Variants in GREB1 observed in about 807,000 individuals in gnomAD.
The protein encoded by GREB1 is protein GREB1.
In GREB1, 106 loss-of-function variants were observed where a neutral mutation model predicts 200.7. The observed-to-expected ratio is 0.53, with a 90% CI of 0.45 to 0.62. The LOEUF is 0.62. Among genes scored for constraint, GREB1 ranks in the 20% least tolerant of loss-of-function variants. GREB1 has a pLI of 0.00. For missense variants in GREB1, 2,243 were observed against 2,556.8 expected (o/e 0.88, Z 2.65); for synonymous variants, 1,132 against 1,092.4 (o/e 1.04, Z -0.72).
Position 11,573,499 on chromosome 2 carries a change from G to A in GREB1, c.455-2854G>A, listed in dbSNP as rs1047614969. Among the ~76,000 whole-genome samples, 7 of 152,188 alleles carry A rather than the reference G, an allele frequency of 4.6e-5. 1 individual carries two copies. Among genetic ancestry groups the A allele is most frequent in the South Asian group, 4.2e-4 (2 of 4,798 alleles). ...CCTAAGGTAGATTTCTGAAGAGAAC[G>A]GCTCATTATTTTCCTCTTTCTCATG... On this transcript the variant is annotated intron_variant, in intron 4 of 32. Coordinates refer to ENST00000381486, the MANE Select transcript of GREB1 (RefSeq NM_014668.4).
intron 1 of GREB1, among the ~76,000 whole-genome samples, chr2:11,500,207 GC>G (rs1672992402): frequency 6.6e-6 from 1 of 152,192 alleles, no homozygotes; most frequent in Admixed American, 6.5e-5. Context: ...TGTTGCCCAG[GC>G]TGGAGTGCAG....
chr2:11,563,440 C>T, intron 3 of GREB1, among the ~76,000 whole-genome samples: 1 of 152,248 alleles, frequency 6.6e-6, no homozygotes, highest in African/African-American at 2.4e-5. Flanking sequence ...TTGTGCTGTG[C>T]ACTCAGGCTT....
intron 1 of GREB1, among the ~76,000 whole-genome samples, chr2:11,496,729 T>A (rs1672900298): frequency 6.6e-6 from 1 of 152,256 alleles, no homozygotes; most frequent in African/African-American, 2.4e-5. Flanking sequence ...AGAGGTCTCA[T>A]GTACCATATA....
In GREB1 at chr2:11,597,029, A is replaced by G. The variant is rs146378897; in HGVS notation, c.1955-752A>G. The stretch of plus-strand genomic sequence containing the variant: ...TAGCTGTGTGCAGTGAGAGGCGCCA[A>G]TGGGCACAGGTGTGCACCGTGAGAG... On this transcript the variant is annotated intron_variant, in intron 13 of 32. Transcript: ENST00000381486. The surrounding 1 kb of genome is among the most constrained non-coding windows in gnomAD (Gnocchi z 4.1). 2.1e-3 allele frequency among the ~76,000 whole-genome samples: 321 copies of G among 150,160 alleles called. No individual in the cohort carries two copies. Among genetic ancestry groups the G allele is most frequent in the African/African-American group, 7.3e-3 (296 of 40,686 alleles).
At chr2:11,506,209 C>T in intron 1 of GREB1, among the ~76,000 whole-genome samples, 1 of 152,314 alleles carries the variant, frequency 6.6e-6, no homozygotes, top group South Asian at 2.1e-4. Flanking sequence ...CACAGCAAAT[C>T]ATCTCATGTG....
At chr2:11,611,415 G>A (rs1682914327) in intron 18 of GREB1, among the ~76,000 whole-genome samples, 1 of 152,220 alleles carries the variant, frequency 6.6e-6, no homozygotes, top group African/African-American at 2.4e-5. Context: ...TGGGCTCCAG[G>A]GATCCTCCCA....
chr2:11,611,933 C>T (rs1446199054), intron 18 of GREB1, among the ~76,000 whole-genome samples: 1 of 152,138 alleles, frequency 6.6e-6, no homozygotes. Context: ...GTGGCTTACA[C>T]CTGTAATCCC....
intron 22 of GREB1, among the ~76,000 whole-genome samples, chr2:11,620,138 G>A (rs1365210831): frequency 2.6e-5 from 4 of 152,052 alleles, no homozygotes; most frequent in Non-Finnish European, 4.4e-5. Context: ...TACCATGCCC[G>A]GCTAATTTTT....
intron 32 of GREB1, among the ~76,000 whole-genome samples, chr2:11,639,297 C>T (rs951749518): frequency 3.9e-5 from 6 of 152,186 alleles, no homozygotes; most frequent in African/African-American, 1.4e-4. Flanking sequence ...CCATGTTGGC[C>T]AGGCTGGTCT....
At chr2:11,585,966 C>G in intron 9 of GREB1, 61 bp downstream of exon 9, 1 of 1,561,952 alleles carries the variant, frequency 6.4e-7, no homozygotes, top group East Asian at 2.2e-5. Context: ...GCATGAGAAA[C>G]AGGCAAAAGC....
Position 11,624,341 on chromosome 2 carries a change from CTTT to C in GREB1, c.4148-795_4148-793del, listed in dbSNP as rs70955810. On this transcript the variant is annotated intron_variant, in intron 23 of 32. Transcript: ENST00000381486. ...TTTTCTATGTTTAGATACACAAATT[CTTT>C]TTTTTTTTTTTTTTTTTGAGATGGA... 2.1e-3 allele frequency among the ~76,000 whole-genome samples: 235 copies of C among 111,088 alleles called. 2 individuals are homozygous for C. Among genetic ancestry groups the C allele is most frequent in the South Asian group, 0.011 (40 of 3,562 alleles). The allele number at this position is 111,088 out of a possible 152,430, so 72.9% of individuals were successfully genotyped here.
At chr2:11,545,612 A>G (rs1426226790) in intron 1 of GREB1, among the ~76,000 whole-genome samples, 1 of 152,210 alleles carries the variant, frequency 6.6e-6, no homozygotes, top group Non-Finnish European at 1.5e-5. Context: ...CTTTCCAATG[A>G]ATCTTTGCTT....
intron 10 of GREB1, among the ~76,000 whole-genome samples, chr2:11,590,510 CA>C (rs1370227353): frequency 1.3e-5 from 2 of 152,146 alleles, no homozygotes; most frequent in Non-Finnish European, 2.9e-5. Flanking sequence ...ATGCTCTTGC[CA>C]AAGACATTTG....
At position 11,632,907 on chromosome 2, in the gene GREB1, T is replaced by A; in HGVS notation, c.4835T>A (p.Ile1612Asn). 2 of 1,613,946 alleles carry A rather than the reference T, an allele frequency of 1.2e-6. No homozygotes were observed. The highest frequency in any genetic ancestry group is 1.7e-6 in the Non-Finnish European group (2 of 1,179,936). Reference protein sequence around the residue: ...SAGVGAAHFLIKELSYHNLEL... With the variant: ...SAGVGAAHFLNKELSYHNLEL... ...ACTGCAGGTGCTGCTCATTTCCTCA[T>A]CAAGGAGCTGTCCTACCATAACCTG... Residue 1612 changes from isoleucine (I) to asparagine (N), a missense_variant, in exon 28 of 33, where the codon ATC (isoleucine) becomes AAC (asparagine). Transcript: ENST00000381486.
rs1194282971 is a variant in GREB1 at position 11,631,831 on chromosome 2, A to T, written c.4612-78A>T. ...TGGTCATCATTCTTTGACGGAAAAT[A>T]CTGCAAAGTCACATGTCAAGGGAAT... is the stretch of plus-strand genomic sequence containing the variant. On this transcript the variant is annotated intron_variant, in intron 26 of 32. Coordinates refer to ENST00000381486, the MANE Select transcript of GREB1 (RefSeq NM_014668.4). The T allele has an allele frequency of 4.6e-6, 5 of 1,084,064 alleles. No individual in the cohort carries two copies. In the African/African-American group the frequency reaches 6.2e-5, roughly 13 times the overall value. The allele number at this position is 1,084,064 out of a possible 1,614,324, so 67.2% of individuals were successfully genotyped here.
Position 11,492,336 on chromosome 2 carries a change from T to C in GREB1, c.-159+9955T>C, listed in dbSNP as rs1370080741. On this transcript the variant is annotated intron_variant, in intron 1 of 2. Transcript: ENST00000628795. This position sits in a 1 kb window ranked among gnomAD's most constrained non-coding sequence, Gnocchi z 4.0. ...TCTTCTCCAAACCCTCAGTGTGCTC[T>C]ATCAAGAAATGCTTGTTGGTTGGTT... is the stretch of plus-strand genomic sequence containing the variant. Among the ~76,000 whole-genome samples, 1 of 152,260 alleles carries C rather than the reference T, an allele frequency of 6.6e-6. No homozygotes were observed. Among genetic ancestry groups the C allele is most frequent in the East Asian group, 1.9e-4 (1 of 5,196 alleles).
intron 4 of GREB1, among the ~76,000 whole-genome samples, chr2:11,573,503 C>T (rs1424464412): frequency 6.6e-6 from 1 of 152,162 alleles, no homozygotes; most frequent in East Asian, 1.9e-4. Context: ...GAGAACGGCT[C>T]ATTATTTTCC....
intron 10 of GREB1, 86 bp downstream of exon 10, chr2:11,589,017 CTT>C: frequency 9.8e-7 from 1 of 1,019,328 alleles, no homozygotes; most frequent in Non-Finnish European, 1.5e-6. Flanking sequence ...TGGGGGCTGA[CTT>C]GGGCTGCTGG....
Position 11,625,243 on chromosome 2 carries a change from A to C in GREB1, c.4237A>C (p.Ile1413Leu). The C allele has an allele frequency of 1.2e-6, 2 of 1,614,160 alleles. No individual in the cohort carries two copies. The highest frequency in any genetic ancestry group is 1.7e-6 in the Non-Finnish European group (2 of 1,179,984). ...ELFKKLPFDY[I>L]IHDPKYEDAS... Reference sequence around the variant, plus strand: ...GTTCAAGAAGTTGCCCTTTGACTACATCATTCACGACCCGAAGTATGAAGA... The same window carrying C: ...GTTCAAGAAGTTGCCCTTTGACTACCTCATTCACGACCCGAAGTATGAAGA... The change falls in exon 24 of 33, where the codon ATC (isoleucine) becomes CTC (leucine). Residue 1413 changes from isoleucine to leucine, a missense_variant. Around this residue, in one of 3 missense-constraint regions of GREB1, gnomAD observed 587 missense variants for 553.1 expected, o/e 1.06. Transcript: ENST00000381486.
Sources: allele counts gnomAD v4.1 joint callset (sites outside exome capture counted in the v4.1 genomes callset), GRCh38; gene constraint gnomAD v4.1.1; regional missense constraint gnomAD v4.1.1; non-coding constraint Gnocchi (gnomAD v3.1); transcripts MANE v1.5; gene names NCBI Gene and HGNC (gene_info 2026-07-23, HGNC 2026-07-21).